The following CAMK2G variants were observed in gnomAD, a reference collection of about 807,000 sequenced individuals.
CAMK2G encodes calcium/calmodulin dependent protein kinase II gamma, also known as calcium/calmodulin-dependent protein kinase type II subunit gamma.
CAMK2G carries 23 observed loss-of-function variants against 88.7 expected under a neutral mutation model. The ratio of observed to expected loss-of-function variants is 0.26; its 90% CI spans 0.19 to 0.37. The LOEUF (loss-of-function observed/expected upper bound fraction) is 0.37. Ranked by LOEUF, CAMK2G falls within the 10% of genes least tolerant of loss-of-function variation. The pLI is 1.00. For synonymous variants in CAMK2G, 263 were observed against 294.8 expected, an observed-to-expected ratio of 0.89 and a Z score of 1.11; for missense variants, 476 against 780.8, an observed-to-expected ratio of 0.61 and a Z score of 4.65.
chr10:73,838,527 T>G (rs919512864), intron 13 of CAMK2G, among the ~76,000 whole-genome samples: 10 of 152,158 alleles, frequency 6.6e-5, no homozygotes, highest in Admixed American at 5.9e-4. Flanking sequence ...AAGTACTGAG[T>G]AAGTGTCCAC....
Position 73,814,011 on chromosome 10 carries a change from A to G in CAMK2G, c.*507T>C, listed in dbSNP as rs1186039531. 4 of 152,516 alleles carry G rather than the reference A, an allele frequency of 2.6e-5. No homozygotes were observed. The highest frequency in any genetic ancestry group is 7.2e-5 in the African/African-American group (3 of 41,428). 9.4% of individuals were successfully genotyped at this position (152,516 alleles called of 1,614,324 possible). A position where few individuals can be genotyped will look rare whatever the true frequency, so the allele number is the denominator to read the frequency against. ...ATTCTAGGCGCCTATGCAAGTTCCA[A>G]AGAAGTTCATTCCTAGACCTGGGGT... On this transcript the variant is annotated 3_prime_UTR_variant, in exon 23 of 23. Coordinates refer to ENST00000423381, the MANE Select transcript of CAMK2G (RefSeq NM_001367534.1).
rs961438606 is a variant in CAMK2G at position 73,826,257 on chromosome 10, A to G, written c.1087-910T>C. Among the ~76,000 whole-genome samples, 15 of 152,252 alleles carry G rather than the reference A, an allele frequency of 9.9e-5. No individual in the cohort carries two copies. In the South Asian group the frequency reaches 2.9e-3, roughly 29 times the overall value. On this transcript the variant is annotated intron_variant, in intron 15 of 22. Coordinates refer to ENST00000423381, the MANE Select transcript of CAMK2G (RefSeq NM_001367534.1). ...AGACCAGCCTGGCCAACATGGTGAA[A>G]CCCCGTCTCTACTAAAAATACAAAA...
intron 2 of CAMK2G, among the ~76,000 whole-genome samples, chr10:73,869,477 T>C (rs968462062): frequency 1.3e-5 from 2 of 152,186 alleles, no homozygotes; most frequent in Non-Finnish European, 2.9e-5. Flanking sequence ...GCTCCCTGGA[T>C]CAGAAAGGGA....
intron 15 of CAMK2G, among the ~76,000 whole-genome samples, chr10:73,826,310 G>A (rs1404465342): frequency 1.3e-5 from 2 of 152,188 alleles, no homozygotes; most frequent in Admixed American, 1.3e-4. Flanking sequence ...GCACATGCCT[G>A]TAATCCCAGC....
Position 73,848,156 on chromosome 10 carries a change from G to A in CAMK2G, c.602-74C>T, listed in dbSNP as rs2094382727. On this transcript the variant is annotated intron_variant, in intron 8 of 22. Transcript: ENST00000423381. The surrounding 1 kb of genome is among the most constrained non-coding windows in gnomAD (Gnocchi z 4.5). ...GAGGAACCAAGAAAAACCATGCAGGGCTCAGAGCCACCTAGAAAGGCAGGG... is the reference window on the plus strand; with the variant it reads ...GAGGAACCAAGAAAAACCATGCAGGACTCAGAGCCACCTAGAAAGGCAGGG... 2.2e-6 allele frequency: 2 copies of A among 899,708 alleles called. No homozygotes were observed. Among genetic ancestry groups the A allele is most frequent in the African/African-American group, 1.6e-5 (1 of 60,960 alleles). The allele number at this position is 899,708 out of a possible 1,614,324, so 55.7% of individuals were successfully genotyped here.
intron 2 of CAMK2G, among the ~76,000 whole-genome samples, chr10:73,868,359 G>T (rs1049782983): frequency 2.6e-5 from 4 of 152,146 alleles, no homozygotes; most frequent in African/African-American, 9.7e-5. Flanking sequence ...AGTCACTCTA[G>T]GAAGACAGGT....
At chr10:73,849,913 A>G (rs2094501123) in intron 5 of CAMK2G, among the ~76,000 whole-genome samples, 1 of 152,228 alleles carries the variant, frequency 6.6e-6, no homozygotes, top group African/African-American at 2.4e-5. Flanking sequence ...TACCTTTAAG[A>G]AACAATGTAC....
chr10:73,848,177 C>A lies in CAMK2G; in HGVS notation c.602-95G>T. On this transcript the variant is annotated intron_variant, in intron 8 of 22. Coordinates refer to ENST00000423381, the MANE Select transcript of CAMK2G (RefSeq NM_001367534.1). The surrounding 1 kb of genome is among the most constrained non-coding windows in gnomAD (Gnocchi z 4.5). ...CAGGGCTCAGAGCCACCTAGAAAGG[C>A]AGGGGCCATACCAGAGTCAGAAGTG... is the stretch of plus-strand genomic sequence containing the variant. The A allele has an allele frequency of 1.3e-6, 1 of 777,760 alleles. No homozygotes were observed. The highest frequency in any genetic ancestry group is 2.3e-6 in the Non-Finnish European group (1 of 438,410). The allele number at this position is 777,760 out of a possible 1,614,324, so 48.2% of individuals were successfully genotyped here. A position where few individuals can be genotyped will look rare whatever the true frequency, so the allele number is the denominator to read the frequency against.
Position 73,812,659 on chromosome 10 carries a change from A to C in CAMK2G, c.*1859T>G, listed in dbSNP as rs1432140704. On this transcript the variant is annotated 3_prime_UTR_variant, in exon 23 of 23. Transcript: ENST00000423381. ...ATCAAATGCCTTCCGTTTCTTGTTTAAAAGGTGATTTTTTAATAGTCTATT... is the reference window on the plus strand; with the variant it reads ...ATCAAATGCCTTCCGTTTCTTGTTTCAAAGGTGATTTTTTAATAGTCTATT... The C allele has an allele frequency of 6.5e-6, 1 of 152,678 alleles. No individual in the cohort carries two copies. The highest frequency in any genetic ancestry group is 1.5e-5 in the Non-Finnish European group (1 of 68,048). The allele number at this position is 152,678 out of a possible 1,614,324, so 9.5% of individuals were successfully genotyped here.
At chr10:73,854,848 A>G (rs1274163201) in intron 3 of CAMK2G, among the ~76,000 whole-genome samples, 1 of 152,150 alleles carries the variant, frequency 6.6e-6, no homozygotes, top group Admixed American at 6.5e-5. Context: ...GGCCGGAGCC[A>G]GGGCCTCAAG....
intron 21 of CAMK2G, among the ~76,000 whole-genome samples, chr10:73,815,517 A>G (rs1334307234): frequency 6.6e-6 from 1 of 151,948 alleles, no homozygotes; most frequent in Non-Finnish European, 1.5e-5. Flanking sequence ...GGGGTTTTAC[A>G]TGCCCGAGCT....
At chr10:73,841,001 C>T (rs1056336612) in intron 12 of CAMK2G, among the ~76,000 whole-genome samples, 2 of 152,190 alleles carry the variant, frequency 1.3e-5, no homozygotes, top group African/African-American at 4.8e-5. Flanking sequence ...GTACCCATGA[C>T]ACAAGATCAA....
intron 15 of CAMK2G, among the ~76,000 whole-genome samples, chr10:73,827,553 G>A (rs1180248836): frequency 2.0e-5 from 3 of 152,200 alleles, no homozygotes; most frequent in Non-Finnish European, 4.4e-5. Context: ...AGTGTCCCGT[G>A]AGAAAGATGA....
intron 3 of CAMK2G, among the ~76,000 whole-genome samples, chr10:73,858,679 G>GCA (rs1230417100): frequency 4.6e-5 from 7 of 152,336 alleles, no homozygotes; most frequent in Admixed American, 4.6e-4. Flanking sequence ...TGAGCAGACG[G>GCA]CCAGGATATA....
intron 2 of CAMK2G, among the ~76,000 whole-genome samples, chr10:73,865,441 G>A (rs1331932996): frequency 2.6e-5 from 4 of 152,114 alleles, no homozygotes; most frequent in Admixed American, 1.3e-4. Flanking sequence ...CGCTCTCCCC[G>A]TTCCTGCTGC....
chr10:73,859,990 C>T (rs1196155899), intron 3 of CAMK2G, among the ~76,000 whole-genome samples: 2 of 152,214 alleles, frequency 1.3e-5, no homozygotes, highest in East Asian at 1.9e-4. Context: ...GCACAGAACA[C>T]GTGTTGTCTT....
intron 3 of CAMK2G, among the ~76,000 whole-genome samples, chr10:73,855,779 G>A (rs754578669): frequency 2.0e-5 from 3 of 152,216 alleles, no homozygotes; most frequent in Non-Finnish European, 4.4e-5. Context: ...GTGCCCCAGA[G>A]CAAGGCACCT....
intron 13 of CAMK2G, among the ~76,000 whole-genome samples, chr10:73,838,136 G>A (rs1417037298): frequency 4.2e-4 from 64 of 152,286 alleles, no homozygotes; most frequent in East Asian, 5.8e-4. Context: ...GGAAGGACTC[G>A]GCAGAATAAT....
chr10:73,834,170 G>A (rs545494733), intron 14 of CAMK2G, among the ~76,000 whole-genome samples: 26 of 149,450 alleles, frequency 1.7e-4, no homozygotes, highest in South Asian at 4.3e-4. Context: ...CACCCGCCTC[G>A]GCCTCCCAAA....
Sources: gnomAD v4.1 joint callset for allele counts (sites outside exome capture counted in the v4.1 genomes callset) on GRCh38, gnomAD v4.1.1 for gene constraint, Gnocchi (gnomAD v3.1) non-coding constraint, MANE v1.5 for transcripts, NCBI Gene and HGNC (gene_info 2026-07-23, HGNC 2026-07-21) for gene names.